Variants in REV3L observed in about 807,000 individuals in gnomAD.
REV3L encodes the protein DNA polymerase zeta catalytic subunit.
A neutral mutation model predicts 299.4 loss-of-function variants in REV3L; 69 were observed. The ratio of observed to expected loss-of-function variants is 0.23; its 90% CI spans 0.19 to 0.28. The LOEUF (loss-of-function observed/expected upper bound fraction) is 0.28, where lower values mean the gene tolerates loss of function less well. Among genes scored for constraint, REV3L ranks in the 10% least tolerant of loss-of-function variants. The pLI is 1.00. For missense variants in REV3L, 3,128 were observed against 3,693.8 expected, an observed-to-expected ratio of 0.85 and a Z score of 3.97; for synonymous variants, 1,238 against 1,271.4, an observed-to-expected ratio of 0.97 and a Z score of 0.56.
At chr6:111,467,602 G>A (rs1352383603) in intron 1 of REV3L, among the ~76,000 whole-genome samples, 2 of 152,112 alleles carry the variant, frequency 1.3e-5, no homozygotes, top group Admixed American at 6.6e-5. Context: ...TACTGAATGC[G>A]TACAAACTTT....
chr6:111,333,464 T>C (rs918798025), intron 22 of REV3L, 97 bp from the exon 23 acceptor site: 6 of 1,422,916 alleles, frequency 4.2e-6, no homozygotes, highest in Non-Finnish European at 5.7e-6. Context: ...CTTTTCAGAA[T>C]AAGATTGTAT....
At chr6:111,368,653 A>G (rs1779467033) in intron 13 of REV3L, among the ~76,000 whole-genome samples, 1 of 152,234 alleles carries the variant, frequency 6.6e-6, no homozygotes. Flanking sequence ...AATGTTACCA[A>G]TGCATGAATA....
At chr6:111,442,682 AT>A (rs148916208) in intron 1 of REV3L, among the ~76,000 whole-genome samples, 16,383 of 152,018 alleles carry the variant, frequency 0.11, 1,168 homozygotes, top group Middle Eastern at 0.22. Context: ...TTCATTGCTC[AT>A]TTTTTTCCCC....
At chr6:111,446,038 C>A (rs1788791324) in intron 1 of REV3L, among the ~76,000 whole-genome samples, 2 of 152,144 alleles carry the variant, frequency 1.3e-5, no homozygotes, top group African/African-American at 2.4e-5. Flanking sequence ...ACAAAAAGTT[C>A]ATTTTCAGCT....
intron 1 of REV3L, among the ~76,000 whole-genome samples, chr6:111,471,136 C>A (rs1792156789): frequency 6.6e-6 from 1 of 152,084 alleles, no homozygotes; most frequent in Admixed American, 6.5e-5. Flanking sequence ...GTTTAAAATA[C>A]AAAGGCTTCC....
At chr6:111,363,804 A>G (rs752593983) in intron 16 of REV3L, 49 bp downstream of exon 16, 57 of 1,575,962 alleles carry the variant, frequency 3.6e-5, no homozygotes, top group Non-Finnish European at 4.6e-5. Flanking sequence ...AGAATAAAAC[A>G]GGAGTTAAAC....
intron 1 of REV3L, among the ~76,000 whole-genome samples, chr6:111,476,323 C>T (rs1006357364): frequency 3.9e-5 from 6 of 152,012 alleles, no homozygotes; most frequent in Non-Finnish European, 7.4e-5. Flanking sequence ...GCCTGGCTAA[C>T]TTTTGTATTT....
rs751232125 is a variant in REV3L, at chr6:111,349,341, A to G, written c.7301-5T>C. 6.7e-7 allele frequency: 1 copy of G among 1,481,774 alleles called. No individual in the cohort carries two copies. The highest frequency in any genetic ancestry group is 1.2e-5 in the South Asian group (1 of 84,806). 91.8% of individuals were successfully genotyped at this position (1,481,774 alleles called of 1,614,324 possible). ...ATCTGTTCTCAATTTTGTCATCTAT[A>G]GAAATGAAAACAGACTGTATCAGGG... On this transcript the variant is annotated splice_polypyrimidine_tract_variant and splice_region_variant and intron_variant, in intron 19 of 31. Coordinates refer to ENST00000368802, the MANE Select transcript of REV3L (RefSeq NM_001372078.1).
intron 1 of REV3L, among the ~76,000 whole-genome samples, chr6:111,443,442 A>T (rs1788504383): frequency 2.6e-5 from 4 of 152,172 alleles, no homozygotes; most frequent in Admixed American, 2.0e-4. Flanking sequence ...CATTGTAGAT[A>T]CCTGCTTATA....
chr6:111,334,113 A>G (rs1011004723), intron 22 of REV3L, among the ~76,000 whole-genome samples: 7 of 151,946 alleles, frequency 4.6e-5, no homozygotes, highest in African/African-American at 1.7e-4. Context: ...TAATTTTTGT[A>G]TTTTTAGTAG....
chr6:111,443,055 A>C (rs74584217), intron 1 of REV3L, among the ~76,000 whole-genome samples: 1 of 152,100 alleles, frequency 6.6e-6, no homozygotes, highest in Non-Finnish European at 1.5e-5. Flanking sequence ...CCTATCTTAA[A>C]GTCCTTTTAT....
chr6:111,326,017 T>C (rs561879058), intron 25 of REV3L, among the ~76,000 whole-genome samples: 4 of 152,302 alleles, frequency 2.6e-5, no homozygotes, highest in East Asian at 1.9e-4. Flanking sequence ...TGAGAATGTG[T>C]GATATTTGTC....
intron 4 of REV3L, 45 bp downstream of exon 4, chr6:111,405,425 A>T: frequency 6.8e-7 from 1 of 1,467,064 alleles, no homozygotes; most frequent in Non-Finnish European, 9.3e-7. Flanking sequence ...TTGTTTCAAA[A>T]CTTTAATTTG....
At chr6:111,318,856 C>T (rs542083033) in intron 26 of REV3L, among the ~76,000 whole-genome samples, 31 of 152,082 alleles carry the variant, frequency 2.0e-4, no homozygotes, top group Admixed American at 1.3e-3. Context: ...CGCGCCCGGC[C>T]GTATGCAACA....
At chr6:111,309,635 C>T (rs1458889663) in intron 30 of REV3L, 3 of 434,258 alleles carry the variant, frequency 6.9e-6, no homozygotes, top group Non-Finnish European at 1.2e-5. Context: ...AGCAGGAGTG[C>T]CTATCCTCAC....
intron 13 of REV3L, among the ~76,000 whole-genome samples, chr6:111,369,366 A>T (rs1308003769): frequency 3.3e-5 from 5 of 151,824 alleles, no homozygotes; most frequent in Non-Finnish European, 7.4e-5. Flanking sequence ...AATTGCTATA[A>T]CCCACTGGGA....
intron 6 of REV3L, among the ~76,000 whole-genome samples, 159 bp downstream of exon 6, chr6:111,389,927 C>A (rs546427295): frequency 2.0e-5 from 3 of 151,750 alleles, no homozygotes; most frequent in Admixed American, 2.0e-4. Context: ...TTAGTAGAGA[C>A]GGGGTTTCAC....
chr6:111,362,366 G>C (rs1460507380), intron 16 of REV3L, among the ~76,000 whole-genome samples: 1 of 151,944 alleles, frequency 6.6e-6, no homozygotes, highest in Non-Finnish European at 1.5e-5. Flanking sequence ...CTAATCTCTA[G>C]AACAGTTTAC....
chr6:111,342,655 G>A (rs113967617), intron 21 of REV3L, among the ~76,000 whole-genome samples: 16,117 of 142,266 alleles, frequency 0.11, 1,146 homozygotes, highest in Middle Eastern at 0.22. Flanking sequence ...GTGACAGAGC[G>A]AGACTCTGTC....
Sources: allele counts gnomAD v4.1 joint callset (sites outside exome capture counted in the v4.1 genomes callset), GRCh38; gene constraint gnomAD v4.1.1; transcripts MANE v1.5; gene names NCBI Gene and HGNC (gene_info 2026-07-23, HGNC 2026-07-21).